The following INSR variants were observed in gnomAD, a reference collection of about 807,000 sequenced individuals.
INSR encodes IR.
Under a neutral mutation model 142.6 loss-of-function variants are expected in INSR, and 67 were observed. The ratio of observed to expected loss-of-function variants is 0.47; its 90% CI spans 0.39 to 0.58. The LOEUF is 0.58. Among genes scored for constraint, INSR ranks in the 20% least tolerant of loss-of-function variants. The pLI, the probability that INSR is intolerant of heterozygous loss-of-function variation, is 0.00. For synonymous variants in INSR, 756 were observed against 743.1 expected, an observed-to-expected ratio of 1.02 and a Z score of -0.28; for missense variants, 1,248 against 1,833.2, an observed-to-expected ratio of 0.68 and a Z score of 5.83.
intron 9 of INSR, among the ~76,000 whole-genome samples, chr19:7,153,345 C>CACACACACAACACACA (rs1568449906): frequency 2.7e-3 from 9 of 3,394 alleles, no homozygotes; most frequent in Non-Finnish European, 4.1e-3. Flanking sequence ...CGCCACACAC[C>CACACACACAACACACA]ACAGACCACA....
chr19:7,147,889 C>G (rs1480318576), intron 11 of INSR, among the ~76,000 whole-genome samples: 2 of 151,698 alleles, frequency 1.3e-5, no homozygotes, highest in East Asian at 3.9e-4. Flanking sequence ...CCAAAAAGAC[C>G]ATGAAGTGGC....
At chr19:7,257,007 A>G (rs952109441) in intron 2 of INSR, among the ~76,000 whole-genome samples, 2 of 147,260 alleles carry the variant, frequency 1.4e-5, no homozygotes, top group African/African-American at 5.1e-5. Context: ...CAGTGGCACA[A>G]TCTCGGCTCA....
At chr19:7,140,074 C>T (rs1973031694) in intron 13 of INSR, among the ~76,000 whole-genome samples, 1 of 152,168 alleles carries the variant, frequency 6.6e-6, no homozygotes, top group African/African-American at 2.4e-5. Context: ...CCCTGTTGCA[C>T]ATTCTTTACA....
Position 7,119,429 on chromosome 19 carries a change from TA to T in INSR, c.3794+19del. On this transcript the variant is annotated intron_variant, in intron 21 of 21. Transcript: ENST00000302850. This position sits in a 1 kb window ranked among gnomAD's most constrained non-coding sequence, Gnocchi z 5.2. The stretch of plus-strand genomic sequence containing the variant: ...CTTTCAACGAACACCTCACACACCT[TA>T]AACCCTTTCTACACTTACACTCTCT... 2 of 1,614,018 alleles carry T rather than the reference TA, an allele frequency of 1.2e-6. No homozygotes were observed. The highest frequency in any genetic ancestry group is 1.7e-6 in the Non-Finnish European group (2 of 1,179,928).
intron 2 of INSR, among the ~76,000 whole-genome samples, chr19:7,263,766 C>A (rs1977137388): frequency 6.6e-6 from 1 of 152,062 alleles, no homozygotes; most frequent in Non-Finnish European, 1.5e-5. Context: ...GGCACAGTGG[C>A]CGATGCATGT....
At position 7,208,807 on chromosome 19, in the gene INSR, C is replaced by A. The variant is rs536319515; in HGVS notation, c.653-24170G>T. Among the ~76,000 whole-genome samples, 42 of 63,820 alleles carry A rather than the reference C, an allele frequency of 6.6e-4. No homozygotes were observed. The Middle Eastern group carries it at 0.034, about 52-fold the overall frequency. 41.9% of individuals were successfully genotyped at this position (63,820 alleles called of 152,430 possible). A position where few individuals can be genotyped will look rare whatever the true frequency, so the allele number is the denominator to read the frequency against. On this transcript the variant is annotated intron_variant, in intron 2 of 21. Coordinates refer to ENST00000302850, the MANE Select transcript of INSR (RefSeq NM_000208.4). ...GATCACGAGGTCAGGAAATCGAGAC[C>A]ATCCTGGCCAACATGCGAAACCCCC...
intron 1 of INSR, among the ~76,000 whole-genome samples, chr19:7,285,997 T>C (rs1192164024): frequency 1.3e-5 from 2 of 152,318 alleles, no homozygotes; most frequent in South Asian, 2.1e-4. Flanking sequence ...GTTGTTGTTG[T>C]TGTTACACAG....
intron 2 of INSR, among the ~76,000 whole-genome samples, chr19:7,208,508 G>A (rs1162144563): frequency 6.6e-6 from 1 of 152,060 alleles, no homozygotes; most frequent in East Asian, 1.9e-4. Context: ...CCACACACAC[G>A]TGCACAGGCC....
intron 2 of INSR, among the ~76,000 whole-genome samples, chr19:7,198,779 A>T (rs1004035246): frequency 6.6e-6 from 1 of 152,192 alleles, no homozygotes; most frequent in Admixed American, 6.5e-5. Context: ...GGTAACCTCC[A>T]GCCAGTATTC....
chr19:7,180,529 C>CAAA (rs57184012), intron 3 of INSR, among the ~76,000 whole-genome samples: 8 of 91,910 alleles, frequency 8.7e-5, no homozygotes, highest in Admixed American at 1.2e-4. Flanking sequence ...GACCTTGTCT[C>CAAA]AAAAAAAAAA....
Position 7,226,126 on chromosome 19 carries a change from G to A in INSR, c.652+41219C>T, listed in dbSNP as rs967713927. On this transcript the variant is annotated intron_variant, in intron 2 of 21. Transcript: ENST00000302850. ...GGAAAATTAAAAATGTCTGAGGATC[G>A]GCCTAGTGTGGTGCCTCACGCCTGT... 3.3e-5 allele frequency among the ~76,000 whole-genome samples: 5 copies of A among 152,286 alleles called. No individual in the cohort carries two copies. The South Asian group carries it at 8.3e-4, about 25-fold the overall frequency.
At chr19:7,148,219 C>T (rs1973229086) in intron 11 of INSR, among the ~76,000 whole-genome samples, 1 of 152,034 alleles carries the variant, frequency 6.6e-6, no homozygotes, top group Admixed American at 6.6e-5. Flanking sequence ...CAGCACCTGG[C>T]CTAGGCAGCA....
In INSR at chr19:7,119,733, C is replaced by T. The variant is rs960896909; in HGVS notation, c.3660-150G>A. 6.9e-6 allele frequency: 6 copies of T among 863,680 alleles called. No individual in the cohort carries two copies. The African/African-American group carries it at 1.0e-4, about 14-fold the overall frequency. 53.5% of individuals were successfully genotyped at this position (863,680 alleles called of 1,614,324 possible). ...AAACACACACATGCAAACACACACGCACATACACGTGCACACACATGCAAA... is the reference window on the plus strand; with the variant it reads ...AAACACACACATGCAAACACACACGTACATACACGTGCACACACATGCAAA... On this transcript the variant is annotated intron_variant, in intron 20 of 21. Transcript: ENST00000302850. The surrounding 1 kb of genome is among the most constrained non-coding windows in gnomAD (Gnocchi z 5.2).
chr19:7,224,409 A>G (rs1975715475), intron 2 of INSR, among the ~76,000 whole-genome samples: 1 of 152,098 alleles, frequency 6.6e-6, no homozygotes, highest in Non-Finnish European at 1.5e-5. Flanking sequence ...GCACAAACAG[A>G]GGCGTGCAGC....
At chr19:7,215,959 T>C (rs1384824080) in intron 2 of INSR, among the ~76,000 whole-genome samples, 1 of 152,098 alleles carries the variant, frequency 6.6e-6, no homozygotes. Context: ...CCAGCTCTGT[T>C]GGGAAATTCC....
intron 2 of INSR, among the ~76,000 whole-genome samples, chr19:7,211,059 C>A (rs569333664): frequency 3.3e-5 from 5 of 152,040 alleles, no homozygotes; most frequent in Non-Finnish European, 7.4e-5. Context: ...CCCCTTGGGG[C>A]CTGCTTGTTA....
At chr19:7,137,309 T>C (rs576876461) in intron 13 of INSR, among the ~76,000 whole-genome samples, 176 of 151,604 alleles carry the variant, frequency 1.2e-3, no homozygotes, top group Admixed American at 1.8e-3. Flanking sequence ...CCAATCAGCA[T>C]ACAGCATTCC....
Position 7,172,451 on chromosome 19 carries a change from A to C in INSR, c.1124-17T>G. On this transcript the variant is annotated splice_polypyrimidine_tract_variant and intron_variant, in intron 4 of 21. Transcript: ENST00000302850. ...CCAGATTGTCTAAGGAAAGGAGAGA[A>C]TATCCAGTGGGTTTCTATAGACATA... 2 of 1,613,288 alleles carry C rather than the reference A, an allele frequency of 1.2e-6. No individual in the cohort carries two copies. Among genetic ancestry groups the C allele is most frequent in the Non-Finnish European group, 1.7e-6 (2 of 1,179,476 alleles).
At chr19:7,172,975 T>C (rs1473443362) in intron 4 of INSR, among the ~76,000 whole-genome samples, 1 of 152,074 alleles carries the variant, frequency 6.6e-6, no homozygotes, top group African/African-American at 2.4e-5. Context: ...GTAAATAAAG[T>C]TTTATTGGAA....
Sources: allele counts gnomAD v4.1 joint callset (sites outside exome capture counted in the v4.1 genomes callset), GRCh38; gene constraint gnomAD v4.1.1; non-coding constraint Gnocchi (gnomAD v3.1); transcripts MANE v1.5; gene names NCBI Gene and HGNC (gene_info 2026-07-23, HGNC 2026-07-21).